KIAA1671: variants seen among roughly 807,000 people sequenced by gnomAD.
KIAA1671 encodes KIAA1671.
KIAA1671 carries 52 observed loss-of-function variants against 131.2 expected under a neutral mutation model. The observed-to-expected ratio is 0.40, with a 90% CI of 0.32 to 0.50. The LOEUF (loss-of-function observed/expected upper bound fraction) is 0.50, where lower values mean the gene tolerates loss of function less well. KIAA1671 is among the 20% of genes least tolerant of loss of function. KIAA1671 has a pLI of 0.73. For synonymous variants in KIAA1671, 1,003 were observed against 961.6 expected, an observed-to-expected ratio of 1.04 and a Z score of -0.80; for missense variants, 2,360 against 2,364.2, an observed-to-expected ratio of 1.00 and a Z score of 0.04.
chr22:25,042,135 C>T (rs1926962003), intron 5 of KIAA1671, among the ~76,000 whole-genome samples: 2 of 152,186 alleles, frequency 1.3e-5, no homozygotes, highest in African/African-American at 4.8e-5. Context: ...TATGTGTAAT[C>T]CTCCCATTAG....
chr22:24,996,778 G>A (rs1415162852), intron 1 of KIAA1671, among the ~76,000 whole-genome samples: 2 of 152,154 alleles, frequency 1.3e-5, no homozygotes, highest in Non-Finnish European at 2.9e-5. Flanking sequence ...GAGACTGTAG[G>A]GCAGCATGTT....
intron 1 of KIAA1671, among the ~76,000 whole-genome samples, chr22:24,988,735 C>CA (rs133092): frequency 0.18 from 19,077 of 106,294 alleles, 1,879 homozygotes; most frequent in East Asian, 0.29. Context: ...GACTCCATCT[C>CA]AAAAAAAAAA....
chr22:24,954,802 A>T (rs1001340762), intron 1 of KIAA1671, among the ~76,000 whole-genome samples: 4 of 151,826 alleles, frequency 2.6e-5, no homozygotes, highest in Non-Finnish European at 4.4e-5. Flanking sequence ...GTTTTTTGAG[A>T]TGGAGTCTCG....
chr22:24,953,006 G>C (rs1470650745), intron 1 of KIAA1671, among the ~76,000 whole-genome samples: 8 of 152,332 alleles, frequency 5.3e-5, no homozygotes, highest in African/African-American at 1.7e-4. Context: ...CGGGGAATCC[G>C]TCTCCCGAGA....
intron 6 of KIAA1671, among the ~76,000 whole-genome samples, chr22:25,079,015 T>C (rs188143679): frequency 9.1e-4 from 138 of 152,248 alleles, no homozygotes; most frequent in African/African-American, 3.0e-3. Flanking sequence ...GTAGAAATAT[T>C]GATAGCAACT....
chr22:24,984,006 G>A (rs1266552809), intron 1 of KIAA1671, among the ~76,000 whole-genome samples: 1 of 151,950 alleles, frequency 6.6e-6, no homozygotes, highest in Non-Finnish European at 1.5e-5. Context: ...TCGAACTCCC[G>A]ACCTCAGGTG....
intron 5 of KIAA1671, among the ~76,000 whole-genome samples, chr22:25,043,056 G>T (rs1927035419): frequency 2.1e-5 from 3 of 142,350 alleles, no homozygotes; most frequent in African/African-American, 7.9e-5. Context: ...AGAAAATCTG[G>T]CTTCCTTTGT....
chr22:25,177,782 G>A (rs546056829), intron 9 of KIAA1671, among the ~76,000 whole-genome samples: 2 of 152,256 alleles, frequency 1.3e-5, no homozygotes, highest in East Asian at 1.9e-4. Context: ...GCCACCATGA[G>A]TAATATCCCA....
intron 6 of KIAA1671, among the ~76,000 whole-genome samples, chr22:25,105,589 G>A (rs530076512): frequency 3.3e-5 from 5 of 152,294 alleles, no homozygotes; most frequent in East Asian, 1.9e-4. Flanking sequence ...TTCAGGAAGC[G>A]AAGCTTTTTA....
intron 1 of KIAA1671, chr22:25,011,096 C>T (rs2030543715): frequency 6.6e-6 from 1 of 151,998 alleles, no homozygotes; most frequent in African/African-American, 2.4e-5. Context: ...CATGCCTCAG[C>T]CTCCTGAGTA....
In KIAA1671 at chr22:24,977,778, A is replaced by T. The variant is rs1394051235; in HGVS notation, c.-208+25006A>T. Among the ~76,000 whole-genome samples, 5 of 152,230 alleles carry T rather than the reference A, an allele frequency of 3.3e-5. No homozygotes were observed. The South Asian group carries it at 1.0e-3, about 32-fold the overall frequency. On this transcript the variant is annotated intron_variant, in intron 1 of 12. Coordinates refer to ENST00000358431, the MANE Select transcript of KIAA1671 (RefSeq NM_001145206.2). ...TCTGGGCTCTGGGCAGGGACATTTT[A>T]TTTATTGCTGAGTTGGCCTCTGTCC... is the stretch of plus-strand genomic sequence containing the variant.
In KIAA1671 at chr22:25,193,668, A is replaced by T. The variant is rs1934737790; in HGVS notation, c.*1267A>T. 6.6e-6 allele frequency: 1 copy of T among 152,186 alleles called. No homozygotes were observed. The highest frequency in any genetic ancestry group is 1.5e-5 in the Non-Finnish European group (1 of 68,084). 9.4% of individuals were successfully genotyped at this position (152,186 alleles called of 1,614,324 possible). A position where few individuals can be genotyped will look rare whatever the true frequency, so the allele number is the denominator to read the frequency against. On this transcript the variant is annotated 3_prime_UTR_variant, in exon 13 of 13. Transcript: ENST00000358431. ...TGTCTTAGTGGGTGGATGGGCATGG[A>T]TAGAAATCCTCTGTTTCTTTAGGTT...
intron 1 of KIAA1671, 136 bp from the exon 2 acceptor site, chr22:25,025,494 CGAA>C: frequency 6.6e-6 from 1 of 152,094 alleles, no homozygotes; most frequent in Non-Finnish European, 1.5e-5. Flanking sequence ...GCTACAAAAT[CGAA>C]AAGCCAAAAG....
At chr22:24,973,126 C>G (rs1922714317) in intron 1 of KIAA1671, among the ~76,000 whole-genome samples, 3 of 152,180 alleles carry the variant, frequency 2.0e-5, no homozygotes, top group Non-Finnish European at 4.4e-5. Context: ...GGGGGCCAGG[C>G]TAGTGCAGGG....
In KIAA1671 at chr22:24,962,280, C is replaced by A. The variant is rs192604384; in HGVS notation, c.-208+9508C>A. ...TTTTGATCAGCCTCATCACATCCCTCAGCCTCAGTTTGCCTGTCTGTAAAA... is the reference window on the plus strand; with the variant it reads ...TTTTGATCAGCCTCATCACATCCCTAAGCCTCAGTTTGCCTGTCTGTAAAA... On this transcript the variant is annotated intron_variant, in intron 1 of 12. Transcript: ENST00000358431. 1.5e-4 allele frequency among the ~76,000 whole-genome samples: 23 copies of A among 152,350 alleles called. No homozygotes were observed. The East Asian group carries it at 4.4e-3, about 29-fold the overall frequency.
At chr22:25,078,481 A>G (rs749801452) in intron 6 of KIAA1671, among the ~76,000 whole-genome samples, 6 of 152,194 alleles carry the variant, frequency 3.9e-5, no homozygotes, top group Non-Finnish European at 5.9e-5. Flanking sequence ...GTAAGCTAGG[A>G]TTGTACCACT....
chr22:25,050,523 T>C (rs1275681904), intron 6 of KIAA1671: 12 of 152,368 alleles, frequency 7.9e-5, no homozygotes, highest in East Asian at 1.9e-4. Flanking sequence ...TGAAGCTCCA[T>C]TGAGAGTCCA....
chr22:25,051,470 G>T (rs1602099628), intron 6 of KIAA1671: 1 of 152,196 alleles, frequency 6.6e-6, no homozygotes, highest in African/African-American at 2.4e-5. Flanking sequence ...TAGTAAATGA[G>T]ATCACCCAGC....
At chr22:25,026,623 C>T (rs1343198505) in intron 2 of KIAA1671, among the ~76,000 whole-genome samples, 4 of 151,872 alleles carry the variant, frequency 2.6e-5, no homozygotes, top group East Asian at 1.9e-4. Flanking sequence ...CCAGCTACTC[C>T]GGAAGCTGAG....
Sources: gnomAD v4.1 joint callset for allele counts (sites outside exome capture counted in the v4.1 genomes callset) on GRCh38, gnomAD v4.1.1 for gene constraint, MANE v1.5 for transcripts, NCBI Gene and HGNC (gene_info 2026-07-23, HGNC 2026-07-21) for gene names.